GPRC6A: variants seen among roughly 807,000 people sequenced by gnomAD.
GPRC6A encodes the protein G protein-coupled receptor class C group 6 member A, also known as G protein-coupled receptor family C group 6 member A.
In GPRC6A, 54 loss-of-function variants were observed where a neutral mutation model predicts 47.0. That is an observed-to-expected ratio of 1.15 (90% confidence interval 0.92 to 1.44). GPRC6A has a LOEUF of 1.44. Among genes scored for constraint, GPRC6A ranks in the 40% most tolerant of loss-of-function variants. GPRC6A has a pLI of 0.00. For synonymous variants in GPRC6A, 347 were observed against 377.1 expected, an observed-to-expected ratio of 0.92 and a Z score of 0.93; for missense variants, 1,112 against 1,105.5, an observed-to-expected ratio of 1.01 and a Z score of -0.08.
In GPRC6A at chr6:116,792,423, A is replaced by G; in HGVS notation, c.2500T>C (p.Cys834Arg). The change falls in exon 6 of 6, where the codon TGC (cysteine) becomes CGC (arginine). Residue 834 changes from cysteine to arginine, a missense_variant. Coordinates refer to ENST00000310357, the MANE Select transcript of GPRC6A (RefSeq NM_148963.4). ...TCTTGCTTACAAATAATAACATAGC[A>G]TTTGGGGATGAATGTGCAATACAGG... ...GILYCTFIPK[C>R]YVIICKQEIN... 1 of 1,614,056 alleles carries G rather than the reference A, an allele frequency of 6.2e-7. No homozygotes were observed.
chr6:116,819,346 C>T (rs1324987175), intron 1 of GPRC6A, among the ~76,000 whole-genome samples: 1 of 150,924 alleles, frequency 6.6e-6, no homozygotes, highest in Non-Finnish European at 1.5e-5. Flanking sequence ...CTCAGCTCTG[C>T]ACCAAGTGGA....
chr6:116,807,998 CT>C (rs565661865), intron 2 of GPRC6A, among the ~76,000 whole-genome samples: 4,894 of 143,442 alleles, frequency 0.034, 175 homozygotes, highest in African/African-American at 0.097. Flanking sequence ...TTCGTTCCTT[CT>C]TTTTTTTTTT....
chr6:116,802,646 C>T (rs1440111372), intron 3 of GPRC6A, among the ~76,000 whole-genome samples: 3 of 152,090 alleles, frequency 2.0e-5, no homozygotes, highest in Non-Finnish European at 4.4e-5. Flanking sequence ...TCCTGATGCC[C>T]AGACGATACC....
intron 1 of GPRC6A, among the ~76,000 whole-genome samples, chr6:116,811,696 A>G (rs1773029399): frequency 6.6e-6 from 1 of 152,188 alleles, no homozygotes; most frequent in African/African-American, 2.4e-5. Flanking sequence ...CTGCAACTGA[A>G]CAATTCATTG....
rs1264778026 is a variant in GPRC6A, at chr6:116,809,452, G to C, written c.360C>G (p.Phe120Leu). 2 of 1,613,640 alleles carry C rather than the reference G, an allele frequency of 1.2e-6. No homozygotes were observed. Among genetic ancestry groups the C allele is most frequent in the Admixed American group, 3.3e-5 (2 of 59,890 alleles). ...MAATLRFLSKFNCSRETVEFK... is the reference protein window; with the variant it reads ...MAATLRFLSKLNCSRETVEFK... ...ACTCCACAGTTTCTCTGGAGCAGTT[G>C]AATTTAGAAAGAAACCTCAGAGTGG... Residue 120 changes from phenylalanine (F) to leucine (L), a missense_variant, in exon 2 of 6, where the codon TTC becomes TTG. Transcript: ENST00000310357.
intron 1 of GPRC6A, among the ~76,000 whole-genome samples, chr6:116,821,760 G>T (rs1773490170): frequency 6.6e-6 from 1 of 151,718 alleles, no homozygotes; most frequent in African/African-American, 2.4e-5. Flanking sequence ...AAAAACCCTA[G>T]AAGAAAACCT....
chr6:116,800,206 CTCT>C (rs1772615878), intron 4 of GPRC6A, among the ~76,000 whole-genome samples: 1 of 138,344 alleles, frequency 7.2e-6, no homozygotes, highest in African/African-American at 2.7e-5. Flanking sequence ...CTCCCTCTCT[CTCT>C]TTTCTTTTCT....
chr6:116,792,395 A>T lies in GPRC6A; in HGVS notation c.2528T>A (p.Ile843Asn). ...KCYVIICKQE[I>N]NTKSAFLKMI... is the part of the protein sequence containing the mutation. ...CTTGAGAAAGGCAGACTTTGTGTTA[A>T]TCTCTTGCTTACAAATAATAACATA... Residue 843 changes from isoleucine to asparagine, a missense_variant, in exon 6 of 6, where the codon ATT becomes AAT. By Grantham distance (149) the Ile-to-Asn change is moderately radical (BLOSUM62 -3). Coordinates refer to ENST00000310357, the MANE Select transcript of GPRC6A (RefSeq NM_148963.4). 6.2e-7 allele frequency: 1 copy of T among 1,614,082 alleles called. No individual in the cohort carries two copies. Among genetic ancestry groups the T allele is most frequent in the Non-Finnish European group, 8.5e-7 (1 of 1,179,964 alleles).
At chr6:116,794,404 G>A (rs1189002797) in intron 5 of GPRC6A, among the ~76,000 whole-genome samples, 2 of 152,110 alleles carry the variant, frequency 1.3e-5, no homozygotes, top group East Asian at 3.9e-4. Flanking sequence ...TATGGGAGCT[G>A]TGTGTTAGAG....
At position 116,806,727 on chromosome 6, in the gene GPRC6A, A is replaced by C; in HGVS notation, c.978T>G (p.Phe326Leu). ...AGGATATATTCCCTCTTCTAAAGGC[A>C]AACCCTACAACTTTGCCAATCTTTT... Reference protein sequence around the residue: ...NVKKIGKVVGFAFRRGNISSF... With the variant: ...NVKKIGKVVGLAFRRGNISSF... The change falls in exon 3 of 6, where the codon TTT becomes TTG. Residue 326 changes from phenylalanine (F) to leucine (L), a missense_variant. Physicochemically the swap from Phe to Leu is conservative, Grantham distance 22. Coordinates refer to ENST00000310357, the MANE Select transcript of GPRC6A (RefSeq NM_148963.4). 1 of 1,613,674 alleles carries C rather than the reference A, an allele frequency of 6.2e-7. No homozygotes were observed. Among genetic ancestry groups the C allele is most frequent in the Non-Finnish European group, 8.5e-7 (1 of 1,179,780 alleles).
At chr6:116,814,018 G>A (rs1430616078) in intron 1 of GPRC6A, among the ~76,000 whole-genome samples, 1 of 152,106 alleles carries the variant, frequency 6.6e-6, no homozygotes, top group Non-Finnish European at 1.5e-5. Flanking sequence ...CATCATTCCT[G>A]GTCATCAGAG....
rs182225044 is a variant in GPRC6A, at chr6:116,807,509, T to C, written c.499-303A>G. Among the ~76,000 whole-genome samples the C allele has an allele frequency of 3.9e-3, 598 of 152,292 alleles. 3 individuals are homozygous for C. The highest frequency in any genetic ancestry group is 0.034 in the Middle Eastern group (10 of 294). ...GGCCAGGGGCCAAGGGTGGATATTA[T>C]TTAAATACTTAGAGGTAAATGCGGT... On this transcript the variant is annotated intron_variant, in intron 2 of 5. Transcript: ENST00000310357.
intron 5 of GPRC6A, among the ~76,000 whole-genome samples, chr6:116,794,313 C>A (rs1211266456): frequency 6.6e-6 from 1 of 152,180 alleles, no homozygotes; most frequent in African/African-American, 2.4e-5. Flanking sequence ...AAAATCTGTT[C>A]TTTTCTGTTT....
intron 4 of GPRC6A, among the ~76,000 whole-genome samples, chr6:116,798,464 G>A (rs796949866): frequency 2.7e-4 from 41 of 152,192 alleles, no homozygotes; most frequent in African/African-American, 8.2e-4. Flanking sequence ...GGTCAGGTTC[G>A]TACTGGGGGT....
chr6:116,795,622 A>G lies in GPRC6A; in HGVS notation c.1672+90T>C, dbSNP rs1166389001. 8.8e-6 allele frequency: 10 copies of G among 1,130,128 alleles called. No homozygotes were observed. The East Asian group carries it at 2.3e-4, about 26-fold the overall frequency. 70.0% of individuals were successfully genotyped at this position (1,130,128 alleles called of 1,614,324 possible). On this transcript the variant is annotated intron_variant, in intron 5 of 5. Coordinates refer to ENST00000310357, the MANE Select transcript of GPRC6A (RefSeq NM_148963.4). Reference sequence around the variant, plus strand: ...CATGGGAAGCTTTTTAAATTTTTTCAAATGAAAAACAAACCAAAATAAAAT... The same window carrying G: ...CATGGGAAGCTTTTTAAATTTTTTCGAATGAAAAACAAACCAAAATAAAAT...
At chr6:116,821,339 C>T (rs1773468346) in intron 1 of GPRC6A, among the ~76,000 whole-genome samples, 1 of 152,060 alleles carries the variant, frequency 6.6e-6, no homozygotes, top group Non-Finnish European at 1.5e-5. Context: ...TGCCTTTCTT[C>T]ACAGAATTGC....
At chr6:116,827,755 T>A (rs563929263) in intron 1 of GPRC6A, among the ~76,000 whole-genome samples, 57 of 152,154 alleles carry the variant, frequency 3.7e-4, no homozygotes, top group East Asian at 3.5e-3. Context: ...CTTTTTTTTT[T>A]ACCATTCTCT....
intron 1 of GPRC6A, among the ~76,000 whole-genome samples, chr6:116,825,304 T>C (rs963686878): frequency 2.6e-5 from 4 of 152,054 alleles, no homozygotes; most frequent in African/African-American, 9.7e-5. Context: ...TTGTCCCTCT[T>C]TGCAGTTGAT....
Position 116,806,607 on chromosome 6 carries a change from A to T in GPRC6A, c.1098T>A (p.Tyr366Ter), listed in dbSNP as rs1483467020. ...ATTGACTCAAATCAGTGTCCTTGAC[A>T]TATGCGCAGGCAGATAAATGCATGG... ...EYAMHLSACA[Y>*]VKDTDLSQCI... Residue 366 changes from tyrosine (Y) to a stop codon, truncating the protein, a stop_gained, in exon 3 of 6, where the codon TAT becomes TAA. Transcript: ENST00000310357. LOFTEE classifies it high-confidence loss of function. 4.3e-6 allele frequency: 7 copies of T among 1,613,634 alleles called. No individual in the cohort carries two copies. In the South Asian group the frequency reaches 7.7e-5, roughly 18 times the overall value.
Sources: gnomAD v4.1 joint callset for allele counts (sites outside exome capture counted in the v4.1 genomes callset) on GRCh38, gnomAD v4.1.1 for gene constraint, MANE v1.5 for transcripts, NCBI Gene and HGNC (gene_info 2026-07-23, HGNC 2026-07-21) for gene names.